RANBP2: variants seen among roughly 807,000 people sequenced by gnomAD.
RANBP2 encodes the protein E3 SUMO-protein ligase RanBP2.
In RANBP2, 57 loss-of-function variants were observed where a neutral mutation model predicts 303.6. That is an observed-to-expected ratio of 0.19 (90% CI 0.15 to 0.23). The LOEUF (loss-of-function observed/expected upper bound fraction) is 0.23. Ranked by LOEUF, RANBP2 falls within the 10% of genes least tolerant of loss-of-function variation. The pLI, the probability that RANBP2 is intolerant of heterozygous loss-of-function variation, is 1.00. For missense variants in RANBP2, 3,138 were observed against 3,780.8 expected (o/e 0.83, Z 4.46); for synonymous variants, 1,167 against 1,301.5 (o/e 0.90, Z 2.23).
Position 108,752,792 on chromosome 2 carries a change from C to CA in RANBP2, c.1756-192dup, listed in dbSNP as rs376345958. Among the ~76,000 whole-genome samples, 736 of 130,238 alleles carry CA rather than the reference C, an allele frequency of 5.7e-3. 2 individuals carry two copies. The highest frequency in any genetic ancestry group is 0.011 in the African/African-American group (380 of 35,192). 85.4% of individuals were successfully genotyped at this position (130,238 alleles called of 152,430 possible). ...TGGGCTACAGAGCAAGACTCTGTCT[C>CA]AAAAAAAAAAAAAAGTTGAGTGTAG... is the stretch of plus-strand genomic sequence containing the variant. On this transcript the variant is annotated intron_variant, in intron 12 of 28. Transcript: ENST00000283195.
chr2:109,564,296 C>T, the RANBP2 span: 5 of 1,350,940 alleles, frequency 3.7e-6, no homozygotes, highest in Admixed American at 1.3e-4. Context: ...CCCCATCATC[C>T]TGGATATATA....
chr2:109,696,725 A>G, the RANBP2 span, among the ~76,000 whole-genome samples: 1 of 152,238 alleles, frequency 6.6e-6, no homozygotes, highest in South Asian at 2.1e-4. Context: ...GAGAATTGAC[A>G]TATTAACAGT....
the RANBP2 span, among the ~76,000 whole-genome samples, chr2:109,747,824 G>A: frequency 1.6e-4 from 22 of 141,440 alleles, 1 homozygote; most frequent in African/African-American, 6.2e-4. Context: ...ACTGTCTAAG[G>A]TAAACTAATT....
chr2:109,725,197 C>T, the RANBP2 span, among the ~76,000 whole-genome samples: 18 of 152,296 alleles, frequency 1.2e-4, no homozygotes, highest in African/African-American at 3.8e-4. Context: ...GGGGTGACTT[C>T]GCCCTCCCCT....
At chr2:109,213,790 G>A in the RANBP2 span, among the ~76,000 whole-genome samples, 1 of 152,218 alleles carries the variant, frequency 6.6e-6, no homozygotes, top group African/African-American at 2.4e-5. Flanking sequence ...GTGGTGTGGT[G>A]TGATAGGGTG....
the RANBP2 span, among the ~76,000 whole-genome samples, chr2:109,220,714 G>A: frequency 2.0e-5 from 3 of 148,182 alleles, no homozygotes. Flanking sequence ...GAACCACAGT[G>A]AGAAACCATT....
the RANBP2 span, among the ~76,000 whole-genome samples, chr2:108,974,329 C>CAAAA: frequency 2.6e-3 from 158 of 61,440 alleles, no homozygotes; most frequent in East Asian, 6.9e-3. Context: ...GGATCCGTCT[C>CAAAA]AAAAAAAAAA....
At chr2:109,056,226 G>A in the RANBP2 span, among the ~76,000 whole-genome samples, 4 of 152,118 alleles carry the variant, frequency 2.6e-5, no homozygotes, top group Admixed American at 1.3e-4. Context: ...GTGCAGTGGT[G>A]CAATGTCATA....
chr2:109,132,230 C>G, the RANBP2 span, among the ~76,000 whole-genome samples: 1 of 152,144 alleles, frequency 6.6e-6, no homozygotes, highest in East Asian at 1.9e-4. Context: ...CTTACATCTT[C>G]TTTTGGGCCA....
At chr2:109,584,332 A>G in the RANBP2 span, among the ~76,000 whole-genome samples, 1 of 151,784 alleles carries the variant, frequency 6.6e-6, no homozygotes, top group East Asian at 1.9e-4. Context: ...AAAAAAAATT[A>G]GGTGTGGTGG....
the RANBP2 span, among the ~76,000 whole-genome samples, chr2:109,279,023 A>G: frequency 6.8e-4 from 104 of 152,226 alleles, 2 homozygotes; most frequent in African/African-American, 2.1e-3. Flanking sequence ...CTTGATTTTG[A>G]AGTTATCTTT....
the RANBP2 span, among the ~76,000 whole-genome samples, chr2:109,010,660 C>T: frequency 2.0e-5 from 3 of 152,122 alleles, no homozygotes; most frequent in African/African-American, 7.2e-5. Flanking sequence ...TCCCAAAGAC[C>T]CCACCTCCTA....
chr2:109,483,469 C>T, the RANBP2 span, among the ~76,000 whole-genome samples: 821 of 152,284 alleles, frequency 5.4e-3, 5 homozygotes, highest in Non-Finnish European at 9.5e-3. Flanking sequence ...CAGGCCTCCC[C>T]GCAAGACCTT....
chr2:109,319,400 G>T, the RANBP2 span, among the ~76,000 whole-genome samples: 3 of 152,336 alleles, frequency 2.0e-5, no homozygotes, highest in East Asian at 1.9e-4. Context: ...GGGTCCCGGG[G>T]ATCACCCAGG....
At chr2:109,052,344 AG>A in the RANBP2 span, among the ~76,000 whole-genome samples, 2 of 152,210 alleles carry the variant, frequency 1.3e-5, no homozygotes. Flanking sequence ...ATTTATAGAA[AG>A]GGGGGCGTAT....
At position 108,748,953 on chromosome 2, in the gene RANBP2, A is replaced by C. The variant is rs139239955; in HGVS notation, c.1097A>C (p.Gln366Pro). 1.2e-6 allele frequency: 2 copies of C among 1,612,030 alleles called. No individual in the cohort carries two copies. The highest frequency in any genetic ancestry group is 1.7e-6 in the Non-Finnish European group (2 of 1,179,872). ...TTGCTAAACTTAAGTCGTGGCAAGC[A>C]AGATTTTTTAAAAGAGATTGTTGAA... ...HMLLNLSRGKQDFLKEIVETF... is the reference protein window; with the variant it reads ...HMLLNLSRGKPDFLKEIVETF... The change falls in exon 9 of 29, where the codon CAA becomes CCA. Residue 366 changes from glutamine to proline, a missense_variant. Physicochemically the swap from Gln to Pro is moderately conservative, Grantham distance 76. Around this residue, in one of 20 missense-constraint regions of RANBP2, gnomAD observed 95 missense variants for 86.4 expected, o/e 1.10. Transcript: ENST00000283195.
At chr2:108,988,772 C>T in the RANBP2 span, among the ~76,000 whole-genome samples, 1 of 152,158 alleles carries the variant, frequency 6.6e-6, no homozygotes, top group African/African-American at 2.4e-5. Flanking sequence ...TTTTCTAAAA[C>T]AAAGGAACAA....
chr2:108,926,303 C>T, the RANBP2 span, among the ~76,000 whole-genome samples: 1 of 152,162 alleles, frequency 6.6e-6, no homozygotes, highest in African/African-American at 2.4e-5. Flanking sequence ...CTCCCTAGCC[C>T]CCCAACCCCT....
chr2:109,379,589 A>G, the RANBP2 span, among the ~76,000 whole-genome samples: 1 of 152,210 alleles, frequency 6.6e-6, no homozygotes, highest in African/African-American at 2.4e-5. Flanking sequence ...GCTGGGGAAG[A>G]TGCAGTTTTG....
Sources: gnomAD v4.1 joint callset for allele counts (sites outside exome capture counted in the v4.1 genomes callset) on GRCh38, gnomAD v4.1.1 for gene constraint, gnomAD v4.1.1 regional missense constraint, MANE v1.5 for transcripts, NCBI Gene and HGNC (gene_info 2026-07-23, HGNC 2026-07-21) for gene names.